FGF16: variants seen among roughly 807,000 people sequenced by gnomAD.
FGF16 encodes fibroblast growth factor 16.
In FGF16, 2 loss-of-function variants were observed where a neutral mutation model predicts 8.5. The ratio of observed to expected loss-of-function variants is 0.24; its 90% CI spans 0.10 to 0.75. The LOEUF (loss-of-function observed/expected upper bound fraction) is 0.75, where lower values mean the gene tolerates loss of function less well. Ranked by LOEUF, FGF16 falls within the 30% of genes least tolerant of loss-of-function variation. FGF16 has a pLI of 0.74. For missense variants in FGF16, 79 were observed against 87.4 expected (o/e 0.90, Z 0.38); for synonymous variants, 33 against 34.6 (o/e 0.95, Z 0.16).
At position 77,456,925 on chromosome X, in the gene FGF16, A is replaced by T. The variant is rs1025187122; in HGVS notation, c.*403A>T. 6.8e-5 allele frequency: 8 copies of T among 118,440 alleles called. No homozygotes were observed. The highest frequency in any genetic ancestry group is 3.5e-5 in the Non-Finnish European group (2 of 57,628). The allele number at this position is 118,440 out of a possible 1,213,427, so 9.8% of individuals were successfully genotyped here. On this transcript the variant is annotated 3_prime_UTR_variant, in exon 3 of 3. Transcript: ENST00000439435. ...ACCTACAGAGCTTTGGAAAAGTCTC[A>T]TTAAGAAAATCCTTGGGGCTACAGC...
intron 1 of FGF16, among the ~76,000 whole-genome samples, chrX:77,452,417 G>A (rs782453123): frequency 5.3e-5 from 6 of 112,579 alleles, no homozygotes; most frequent in Non-Finnish European, 9.4e-5. Flanking sequence ...CCCTCCTACC[G>A]TCTTGTCTCA....
intron 1 of FGF16, among the ~76,000 whole-genome samples, chrX:77,451,120 G>A (rs1557026646): frequency 8.9e-6 from 1 of 111,903 alleles, no homozygotes; most frequent in Non-Finnish European, 1.9e-5. Context: ...AGACAGCTGG[G>A]CAGGGATAAT....
Position 77,456,645 on chromosome X carries a change from C to T in FGF16, c.*123C>T. The stretch of plus-strand genomic sequence containing the variant: ...ATTTTAGATAACAGAAAAGCACTTA[C>T]TGTTGAACTCAACCCAGCTGTTCCC... On this transcript the variant is annotated 3_prime_UTR_variant, in exon 3 of 3. Transcript: ENST00000439435. The T allele has an allele frequency of 3.0e-6, 2 of 676,095 alleles. No homozygotes were observed. The highest frequency in any genetic ancestry group is 2.2e-6 in the Non-Finnish European group (1 of 448,082). 55.7% of individuals were successfully genotyped at this position (676,095 alleles called of 1,213,427 possible).
Position 77,454,790 on chromosome X carries a change from C to CT in FGF16, c.378+549dup, listed in dbSNP as rs782722552. Among the ~76,000 whole-genome samples, 442 of 81,104 alleles carry CT rather than the reference C, an allele frequency of 5.4e-3. 8 individuals are homozygous for CT. The highest frequency in any genetic ancestry group is 0.01 in the African/African-American group (221 of 21,212). 70.4% of individuals were successfully genotyped at this position (81,104 alleles called of 115,157 possible). A position where few individuals can be genotyped will look rare whatever the true frequency, so the allele number is the denominator to read the frequency against. On this transcript the variant is annotated intron_variant, in intron 2 of 2. Transcript: ENST00000439435. The stretch of plus-strand genomic sequence containing the variant: ...CTCATTTGGCCCCCACCAAAACAAG[C>CT]TTTTTTTTTTTTTTTTTTTGCTTTG...
intron 2 of FGF16, among the ~76,000 whole-genome samples, chrX:77,454,760 CT>C (rs1399865278): frequency 2.5e-4 from 26 of 104,784 alleles, no homozygotes; most frequent in Non-Finnish European, 7.8e-5. Flanking sequence ...TACATAACAC[CT>C]TCACTCATTT....
At chrX:77,448,911 C>T (rs985650342) in intron 1 of FGF16, among the ~76,000 whole-genome samples, 1 of 111,479 alleles carries the variant, frequency 9.0e-6, no homozygotes, top group Non-Finnish European at 1.9e-5. Context: ...TTTGCCCCTC[C>T]GCATCCTCCA....
In FGF16 at chrX:77,447,779, C is replaced by G. The variant is rs1203968737; in HGVS notation, c.105C>G (p.Asn35Lys). Reference protein sequence around the residue: ...VPLADSPGFLNERLGQIEGKL... With the variant: ...VPLADSPGFLKERLGQIEGKL... ...TAGCTGACTCCCCAGGTTTCCTGAA[C>G]GAGCGCCTGGGCCAAATCGAGGGGA... The change falls in exon 1 of 3, where the codon AAC (asparagine) becomes AAG (lysine). Residue 35 changes from asparagine to lysine, a missense_variant. Coordinates refer to ENST00000439435, the MANE Select transcript of FGF16 (RefSeq NM_003868.3). 8.8e-5 allele frequency: 26 copies of G among 297,040 alleles called. No individual in the cohort carries two copies. The highest frequency in any genetic ancestry group is 1.5e-4 in the Non-Finnish European group (26 of 170,269). 24.5% of individuals were successfully genotyped at this position (297,040 alleles called of 1,213,427 possible).
In FGF16 at chrX:77,447,559, G is replaced by C. The variant is rs2062544910; in HGVS notation, c.-116G>C. ...GGCAGAGCGCGGAGCAAGCGAGCTA[G>C]CGAGGGAGCGCCGCCGAACCGCCCG... On this transcript the variant is annotated 5_prime_UTR_variant, in exon 1 of 3. Coordinates refer to ENST00000439435, the MANE Select transcript of FGF16 (RefSeq NM_003868.3). The C allele has an allele frequency of 3.5e-6, 1 of 285,969 alleles. No individual in the cohort carries two copies. Among genetic ancestry groups the C allele is most frequent in the Non-Finnish European group, 6.1e-6 (1 of 163,440 alleles). The allele number at this position is 285,969 out of a possible 1,213,427, so 23.6% of individuals were successfully genotyped here. A position where few individuals can be genotyped will look rare whatever the true frequency, so the allele number is the denominator to read the frequency against.
chrX:77,454,612 G>A (rs868960855), intron 2 of FGF16, among the ~76,000 whole-genome samples: 11 of 102,893 alleles, frequency 1.1e-4, no homozygotes, highest in Non-Finnish European at 1.6e-4. Context: ...CCGAGATTGC[G>A]CCACTGCACT....
At position 77,447,743 on chromosome X, in the gene FGF16, G is replaced by C. The variant is rs2062545530; in HGVS notation, c.69G>C (p.Gly23=). Reference sequence around the variant, plus strand: ...TACACGGCTTCTCCTCGTCTCTGGGGAACGTGCCCTTAGCTGACTCCCCAG... The same window carrying C: ...TACACGGCTTCTCCTCGTCTCTGGGCAACGTGCCCTTAGCTGACTCCCCAG... The part of the protein sequence containing the change: ...WDLHGFSSSL[G]NVPLADSPGF... The change falls in exon 1 of 3, where the codon GGG becomes GGC. Residue 23 remains glycine, a synonymous_variant. Coordinates refer to ENST00000439435, the MANE Select transcript of FGF16 (RefSeq NM_003868.3). 2 of 296,926 alleles carry C rather than the reference G, an allele frequency of 6.7e-6. No homozygotes were observed. The highest frequency in any genetic ancestry group is 6.1e-5 in the Admixed American group (1 of 16,447). The allele number at this position is 296,926 out of a possible 1,213,427, so 24.5% of individuals were successfully genotyped here. A position where few individuals can be genotyped will look rare whatever the true frequency, so the allele number is the denominator to read the frequency against.
chrX:77,454,389 G>T, intron 2 of FGF16, 129 bp downstream of exon 2: 1 of 391,918 alleles, frequency 2.6e-6, no homozygotes, highest in South Asian at 4.7e-5. Flanking sequence ...GGTGGCTCAC[G>T]CCTGTAATCC....
intron 1 of FGF16, among the ~76,000 whole-genome samples, chrX:77,451,352 A>ATACT (rs1245863176): frequency 8.9e-6 from 1 of 112,118 alleles, no homozygotes; most frequent in Non-Finnish European, 1.9e-5. Context: ...GAGACATGAG[A>ATACT]TACTTACAGA....
chrX:77,448,665 C>T (rs1249190897), intron 1 of FGF16, among the ~76,000 whole-genome samples: 2 of 111,821 alleles, frequency 1.8e-5, no homozygotes, highest in Non-Finnish European at 3.8e-5. Flanking sequence ...GGGCCCAAAG[C>T]AGGAAACGTT....
At chrX:77,454,505 A>T (rs1266343354) in intron 2 of FGF16, among the ~76,000 whole-genome samples, 4 of 105,311 alleles carry the variant, frequency 3.8e-5, no homozygotes, top group African/African-American at 1.4e-4. Flanking sequence ...AAAATAAAAA[A>T]TTAGCCGGGC....
In FGF16 at chrX:77,447,585, C is replaced by G; in HGVS notation, c.-90C>G. 3.4e-6 allele frequency: 1 copy of G among 292,067 alleles called. No individual in the cohort carries two copies. The highest frequency in any genetic ancestry group is 6.0e-6 in the Non-Finnish European group (1 of 166,556). 24.1% of individuals were successfully genotyped at this position (292,067 alleles called of 1,213,427 possible). A position where few individuals can be genotyped will look rare whatever the true frequency, so the allele number is the denominator to read the frequency against. On this transcript the variant is annotated 5_prime_UTR_variant, in exon 1 of 3. Transcript: ENST00000439435. The stretch of plus-strand genomic sequence containing the variant: ...CGAGGGAGCGCCGCCGAACCGCCCG[C>G]GCCCGCTGCGGGGAGAGGCAGTTCG...
intron 1 of FGF16, among the ~76,000 whole-genome samples, chrX:77,452,164 C>T (rs1242913606): frequency 2.7e-5 from 3 of 112,129 alleles, no homozygotes; most frequent in African/African-American, 9.7e-5. Flanking sequence ...GCATAGTTTG[C>T]TGGAGCCACT....
rs782718850 is a variant in FGF16 at position 77,454,266 on chromosome X, T to G, written c.378+6T>G. 8.0e-6 allele frequency: 6 copies of G among 751,064 alleles called. No individual in the cohort carries two copies. Among genetic ancestry groups the G allele is most frequent in the Non-Finnish European group, 1.1e-5 (6 of 541,981 alleles). The allele number at this position is 751,064 out of a possible 1,213,427, so 61.9% of individuals were successfully genotyped here. Reference sequence around the variant, plus strand: ...GAGGAGAACTCTATGGGTCGGTAAGTTTAAGGTTTTTTTTTTTTTTTTTTT... The same window carrying G: ...GAGGAGAACTCTATGGGTCGGTAAGGTTAAGGTTTTTTTTTTTTTTTTTTT... On this transcript the variant is annotated splice_donor_region_variant and intron_variant, in intron 2 of 2. Transcript: ENST00000439435.
chrX:77,448,397 C>T (rs1402774284), intron 1 of FGF16, among the ~76,000 whole-genome samples: 4 of 112,662 alleles, frequency 3.6e-5, no homozygotes. Context: ...GTGAGGCGGT[C>T]GGCCGGCACA....
Position 77,447,571 on chromosome X carries a change from C to A in FGF16, c.-104C>A, listed in dbSNP as rs1297690785. 7.0e-6 allele frequency: 2 copies of A among 287,391 alleles called. No individual in the cohort carries two copies. Among genetic ancestry groups the A allele is most frequent in the African/African-American group, 5.5e-5 (2 of 36,156 alleles). 23.7% of individuals were successfully genotyped at this position (287,391 alleles called of 1,213,427 possible). On this transcript the variant is annotated 5_prime_UTR_variant, in exon 1 of 3. Transcript: ENST00000439435. ...AGCAAGCGAGCTAGCGAGGGAGCGCCGCCGAACCGCCCGCGCCCGCTGCGG... is the reference window on the plus strand; with the variant it reads ...AGCAAGCGAGCTAGCGAGGGAGCGCAGCCGAACCGCCCGCGCCCGCTGCGG...
Sources: gnomAD v4.1 joint callset for allele counts (sites outside exome capture counted in the v4.1 genomes callset) on GRCh38, gnomAD v4.1.1 for gene constraint, MANE v1.5 for transcripts, NCBI Gene and HGNC (gene_info 2026-07-23, HGNC 2026-07-21) for gene names.